The following LIPA variants were observed in gnomAD, a reference collection of about 807,000 sequenced individuals.
LIPA encodes the protein lipase A, lysosomal acid type.
In LIPA, 26 loss-of-function variants were observed where a neutral mutation model predicts 40.6. The ratio of observed to expected loss-of-function variants is 0.64; its 90% CI spans 0.47 to 0.89. The LOEUF (loss-of-function observed/expected upper bound fraction) is 0.89, where lower values mean the gene tolerates loss of function less well. Among genes scored for constraint, LIPA ranks in the 40% least tolerant of loss-of-function variants. The pLI is 0.00. For synonymous variants in LIPA, 188 were observed against 168.4 expected (o/e 1.12, Z -0.90); for missense variants, 455 against 479.6 (o/e 0.95, Z 0.48).
chr10:89,353,842 G>A (rs1036595929), intron 2 of LIPA, among the ~76,000 whole-genome samples: 1 of 152,124 alleles, frequency 6.6e-6, no homozygotes, highest in Non-Finnish European at 1.5e-5. Context: ...TGGGGAGGCT[G>A]AGGCAGGAGA....
At position 89,226,901 on chromosome 10, in the gene LIPA, T is replaced by C. The variant is rs1303172191; in HGVS notation, c.532A>G (p.Thr178Ala). The C allele has an allele frequency of 1.3e-6, 2 of 1,541,980 alleles. No individual in the cohort carries two copies. Among genetic ancestry groups the C allele is most frequent in the Middle Eastern group, 1.9e-4 (1 of 5,384 alleles). Residue 178 changes from threonine to alanine, a missense_variant, in exon 5 of 10, where the codon ACT (threonine) becomes GCT (alanine). Coordinates refer to ENST00000336233, the MANE Select transcript of LIPA (RefSeq NM_000235.4). Reference protein sequence around the residue: ...VYYVGHSQGTTIGFIAFSQIP... With the variant: ...VYYVGHSQGTAIGFIAFSQIP... ...ATCTTATTTACATACATACCTATAG[T>C]GGTGCCTTGAGAATGACCCACATAA...
intron 1 of LIPA, among the ~76,000 whole-genome samples, chr10:89,288,131 C>A (rs907067442): frequency 6.6e-6 from 1 of 152,114 alleles, no homozygotes; most frequent in Non-Finnish European, 1.5e-5. Flanking sequence ...CATCTGTTAC[C>A]TATCTTGGCA....
intron 1 of LIPA, among the ~76,000 whole-genome samples, chr10:89,337,501 G>A (rs12250753): frequency 0.062 from 9,422 of 152,250 alleles, 697 homozygotes; most frequent in African/African-American, 0.18. Flanking sequence ...CTGGGCTCAA[G>A]TGATCCTCCT....
intron 2 of LIPA, among the ~76,000 whole-genome samples, chr10:89,379,450 G>A (rs891786278): frequency 1.8e-4 from 28 of 152,128 alleles, no homozygotes; most frequent in African/African-American, 5.3e-4. Context: ...ATTGTGATAT[G>A]TTTGTTCCAC....
chr10:89,392,761 G>A (rs1402954447), intron 2 of LIPA: 3 of 1,599,570 alleles, frequency 1.9e-6, no homozygotes, highest in Non-Finnish European at 2.6e-6. Flanking sequence ...TAAAGTTTTT[G>A]AAAAAATGGT....
chr10:89,223,617 C>G (rs1771872100), intron 7 of LIPA, 67 bp downstream of exon 7: 5 of 1,261,742 alleles, frequency 4.0e-6, no homozygotes, highest in South Asian at 1.2e-5. Flanking sequence ...TCTCCCATAT[C>G]ATTCAACACA....
intron 1 of LIPA, chr10:89,308,561 A>G (rs2133524171): frequency 6.6e-6 from 1 of 152,320 alleles, no homozygotes; most frequent in East Asian, 1.9e-4. Flanking sequence ...AATTCACGGT[A>G]TGCTTGGAAC....
intron 1 of LIPA, among the ~76,000 whole-genome samples, chr10:89,272,417 A>C (rs1436240786): frequency 6.6e-6 from 1 of 152,220 alleles, no homozygotes; most frequent in East Asian, 1.9e-4. Context: ...GTCCCTGCAA[A>C]AGACATGATC....
intron 2 of LIPA, among the ~76,000 whole-genome samples, chr10:89,373,260 G>A (rs187427687): frequency 2.7e-5 from 4 of 149,710 alleles, no homozygotes; most frequent in Admixed American, 1.3e-4. Context: ...GCGTGAACCC[G>A]GGAGGCAGAG....
intron 1 of LIPA, among the ~76,000 whole-genome samples, chr10:89,299,340 T>C (rs1268251928): frequency 6.6e-6 from 1 of 152,088 alleles, no homozygotes; most frequent in African/African-American, 2.4e-5. Context: ...GAACAAAGTC[T>C]TCACGATCTA....
rs1226852302 is a variant in LIPA at position 89,228,216 on chromosome 10, C to T, written c.412G>A (p.Glu138Lys). 6.2e-7 allele frequency: 1 copy of T among 1,613,910 alleles called. No individual in the cohort carries two copies. Among genetic ancestry groups the T allele is most frequent in the East Asian group, 2.2e-5 (1 of 44,886 alleles). ...KHKTLSVSQDEFWAFSYDEMA... is the reference protein window; with the variant it reads ...KHKTLSVSQDKFWAFSYDEMA... Reference sequence around the variant, plus strand: ...CATATATACCTGAAAGCCCAGAATTCATCCTGAGAAACTGAGAGTGTCTTA... The same window carrying T: ...CATATATACCTGAAAGCCCAGAATTTATCCTGAGAAACTGAGAGTGTCTTA... The change falls in exon 4 of 10, where the codon GAA becomes AAA. Residue 138 changes from glutamate (E) to lysine (K), a missense_variant. Glu to Lys is a moderately conservative substitution (Grantham distance 56). Coordinates refer to ENST00000336233, the MANE Select transcript of LIPA (RefSeq NM_000235.4).
rs543443871 is a variant in LIPA, at chr10:89,384,235, T to G, written c.61+28556A>C. ...GATCCAAATCAAGGAAGCTACAAAC[T>G]GGCAGCCTAGAGGGCAAGATAGGGA... On this transcript the variant is annotated intron_variant, in intron 2 of 8. Transcript: ENST00000371837. The G allele has an allele frequency of 5.6e-6, 9 of 1,614,132 alleles. No individual in the cohort carries two copies. In the East Asian group the frequency reaches 2.0e-4, roughly 36 times the overall value.
chr10:89,414,048 C>G (rs1841504592), intron 1 of LIPA, among the ~76,000 whole-genome samples: 1 of 152,160 alleles, frequency 6.6e-6, no homozygotes, highest in Non-Finnish European at 1.5e-5. Flanking sequence ...TACAAAGCAC[C>G]ATTGGCGAAG....
chr10:89,256,175 T>TCC (rs1843180069), upstream of LIPA, among the ~76,000 whole-genome samples: 1 of 151,998 alleles, frequency 6.6e-6, no homozygotes, highest in Non-Finnish European at 1.5e-5. Flanking sequence ...CACTCCACCC[T>TCC]CCACAAGACA....
chr10:89,375,461 G>A (rs886150506), intron 2 of LIPA, among the ~76,000 whole-genome samples: 1 of 152,202 alleles, frequency 6.6e-6, no homozygotes, highest in African/African-American at 2.4e-5. Flanking sequence ...AATAATGGTT[G>A]TTCTATGATG....
intron 1 of LIPA, among the ~76,000 whole-genome samples, chr10:89,282,554 C>T (rs766717299): frequency 6.6e-6 from 1 of 151,982 alleles, no homozygotes; most frequent in Non-Finnish European, 1.5e-5. Flanking sequence ...GCAGGAGAAT[C>T]GCTTGAACCC....
At chr10:89,358,099 T>C (rs1355398433) in intron 2 of LIPA, among the ~76,000 whole-genome samples, 3 of 152,174 alleles carry the variant, frequency 2.0e-5, no homozygotes, top group African/African-American at 4.8e-5. Context: ...TGTAACTGCC[T>C]GCTGCGAAGA....
chr10:89,333,974 A>AT (rs1317228197), intron 1 of LIPA, among the ~76,000 whole-genome samples: 1 of 152,208 alleles, frequency 6.6e-6, no homozygotes, highest in African/African-American at 2.4e-5. Flanking sequence ...GACTCCTTGG[A>AT]TTGGGCCTGT....
chr10:89,359,815 T>TCTCTCA (rs774357082), intron 2 of LIPA, among the ~76,000 whole-genome samples: 3 of 146,208 alleles, frequency 2.1e-5, no homozygotes, highest in African/African-American at 5.0e-5. Flanking sequence ...TCTCTCTCTC[T>TCTCTCA]CACACACACA....
Sources: allele counts gnomAD v4.1 joint callset (sites outside exome capture counted in the v4.1 genomes callset), GRCh38; gene constraint gnomAD v4.1.1; transcripts MANE v1.5; gene names NCBI Gene and HGNC (gene_info 2026-07-23, HGNC 2026-07-21).